POLR2F: variants seen among roughly 807,000 people sequenced by gnomAD.
POLR2F encodes RNA polymerase II, I and III subunit F.
POLR2F carries 12 observed loss-of-function variants against 22.7 expected under a neutral mutation model. That is an observed-to-expected ratio of 0.53 (90% CI 0.34 to 0.86). The LOEUF (loss-of-function observed/expected upper bound fraction) is 0.86, where lower values mean the gene tolerates loss of function less well. POLR2F is among the 40% of genes least tolerant of loss of function. POLR2F has a pLI of 0.02. For synonymous variants in POLR2F, 57 were observed against 66.0 expected, an observed-to-expected ratio of 0.86 and a Z score of 0.66; for missense variants, 126 against 171.5, an observed-to-expected ratio of 0.73 and a Z score of 1.48.
Position 37,997,664 on chromosome 22 carries a change from C to G in POLR2F, c.120+11352C>G, listed in dbSNP as rs1228455367. On this transcript the variant is annotated intron_variant, in intron 1 of 2. Coordinates refer to the POLR2F transcript ENST00000333418. This position sits in a 1 kb window ranked among gnomAD's most constrained non-coding sequence, Gnocchi z 4.4. ...CTCCAGCCTACCTTCCCCAGGACACCCGGCTCTGTCCCCTGCATGCCCTGG... is the reference window on the plus strand; with the variant it reads ...CTCCAGCCTACCTTCCCCAGGACACGCGGCTCTGTCCCCTGCATGCCCTGG... Among the ~76,000 whole-genome samples, 1 of 152,088 alleles carries G rather than the reference C, an allele frequency of 6.6e-6. No individual in the cohort carries two copies. The highest frequency in any genetic ancestry group is 6.5e-5 in the Admixed American group (1 of 15,272).
At chr22:38,034,891 G>T (rs3026672) in intron 5 of POLR2F, among the ~76,000 whole-genome samples, 94 of 152,178 alleles carry the variant, frequency 6.2e-4, no homozygotes, top group African/African-American at 2.2e-3. Flanking sequence ...ACCTGGGGCC[G>T]TGGCCTAGGA....
At chr22:37,970,293 C>CAAA (rs139881), downstream of POLR2F, among the ~76,000 whole-genome samples, 6 of 132,610 alleles carry the variant, frequency 4.5e-5, no homozygotes, top group African/African-American at 1.1e-4. Flanking sequence ...GACTCCGTCT[C>CAAA]AAAAAAAAAA....
intron 1 of POLR2F, among the ~76,000 whole-genome samples, chr22:38,020,240 TATATATATACAC>T (rs1347844777): frequency 6.8e-6 from 1 of 146,766 alleles, no homozygotes; most frequent in East Asian, 2.0e-4. Context: ...CACACATACA[TATATATATACAC>T]ATATATATAC....
upstream of POLR2F, chr22:37,985,977 C>T (rs1013318052): frequency 3.8e-6 from 4 of 1,040,168 alleles, no homozygotes; most frequent in Non-Finnish European, 4.0e-6. Context: ...CAATCTCCCC[C>T]CAGTTTTCCT....
In POLR2F at chr22:37,980,307, T is replaced by TCTGGGATGG. The variant is rs1932358016; in HGVS notation, c.293+13143_293+13151dup. ...AGCAGTGGACCCCAACAGAGGGGCT[T>TCTGGGATGG]CTGGGATGGCTGGGGACATGGGACA... On this transcript the variant is annotated intron_variant, in intron 4 of 4. Coordinates refer to the POLR2F transcript ENST00000405557. This position sits in a 1 kb window ranked among gnomAD's most constrained non-coding sequence, Gnocchi z 4.1. 6.6e-6 allele frequency among the ~76,000 whole-genome samples: 1 copy of TCTGGGATGG among 152,072 alleles called. No homozygotes were observed. The highest frequency in any genetic ancestry group is 1.5e-5 in the Non-Finnish European group (1 of 67,992).
chr22:37,994,780 A>G (rs1249935797), intron 1 of POLR2F, among the ~76,000 whole-genome samples: 1 of 152,176 alleles, frequency 6.6e-6, no homozygotes, highest in East Asian at 1.9e-4. Flanking sequence ...TGCTGGGATT[A>G]CAGGCGTGAG....
intron 2 of POLR2F, among the ~76,000 whole-genome samples, chr22:37,958,642 G>T (rs1931501027): frequency 6.6e-6 from 1 of 152,046 alleles, no homozygotes; most frequent in African/African-American, 2.4e-5. Context: ...TCATTGGTTT[G>T]ACAGCTCCTG....
chr22:37,970,604 TAAAAA>T (rs34693298), downstream of POLR2F: 11 of 57,894 alleles, frequency 1.9e-4, no homozygotes, highest in African/African-American at 4.8e-4. Context: ...AGACTCCATC[TAAAAA>T]AAAAAAAAAA....
chr22:37,989,143 G>A (rs1386605373), intron 1 of POLR2F, among the ~76,000 whole-genome samples: 1 of 152,164 alleles, frequency 6.6e-6, no homozygotes, highest in Non-Finnish European at 1.5e-5. Context: ...AAGAAATCCT[G>A]CCACTAGTAC....
At chr22:38,019,284 G>C (rs2084940414) in intron 1 of POLR2F, among the ~76,000 whole-genome samples, 1 of 152,024 alleles carries the variant, frequency 6.6e-6, no homozygotes, top group Non-Finnish European at 1.5e-5. Flanking sequence ...CGCTTCTTCA[G>C]CCCCCGGGCT....
chr22:37,989,094 A>G (rs2145786311), intron 1 of POLR2F, among the ~76,000 whole-genome samples: 1 of 152,270 alleles, frequency 6.6e-6, no homozygotes, highest in Middle Eastern at 3.4e-3. Flanking sequence ...AGGCTGTGTC[A>G]TCCTCAGTCT....
chr22:38,035,539 T>A (rs539907074), intron 5 of POLR2F, among the ~76,000 whole-genome samples: 4 of 152,178 alleles, frequency 2.6e-5, no homozygotes, highest in Non-Finnish European at 5.9e-5. Flanking sequence ...ATCCTGCTCG[T>A]GTCCTCGGGG....
exon 3 of POLR2F, chr22:38,026,548 C>T (rs1208994717): frequency 9.4e-5 from 32 of 341,668 alleles, no homozygotes; most frequent in South Asian, 2.0e-4. Flanking sequence ...CTTTCCCCAC[C>T]GCCTCTCTCT....
chr22:37,974,026 C>T, downstream of POLR2F: 1 of 1,613,996 alleles, frequency 6.2e-7, no homozygotes, highest in Middle Eastern at 1.7e-4. The surrounding 1 kb of genome is among the most constrained non-coding windows in gnomAD (Gnocchi z 5.4). Flanking sequence ...CATCAAAGGT[C>T]TCCATGTTGG....
downstream of POLR2F, chr22:38,041,576 A>G (rs2085172695): frequency 1.3e-5 from 2 of 156,848 alleles, no homozygotes; most frequent in African/African-American, 2.4e-5. Flanking sequence ...ACGTTAACTC[A>G]TTGAACCCTC....
downstream of POLR2F, chr22:37,971,352 A>T (rs561998024): frequency 2.1e-6 from 1 of 469,250 alleles, no homozygotes; most frequent in Non-Finnish European, 4.4e-6. Context: ...TGAATGACAT[A>T]AAACCCTTGG....
chr22:38,012,741 G>T (rs1321581202), intron 1 of POLR2F, among the ~76,000 whole-genome samples: 1 of 152,206 alleles, frequency 6.6e-6, no homozygotes, highest in Non-Finnish European at 1.5e-5. Flanking sequence ...AAGCGTACAA[G>T]TCAGGCATTT....
At chr22:37,956,170 A>G (rs1349041656) in intron 1 of POLR2F, among the ~76,000 whole-genome samples, 1 of 149,122 alleles carries the variant, frequency 6.7e-6, no homozygotes, top group Non-Finnish European at 1.5e-5. Flanking sequence ...GCTCACCACA[A>G]CCTCCGCCTC....
chr22:37,989,075 C>G (rs1932666560), intron 1 of POLR2F, among the ~76,000 whole-genome samples: 1 of 152,096 alleles, frequency 6.6e-6, no homozygotes, highest in Non-Finnish European at 1.5e-5. Context: ...CCACCTCCAC[C>G]TTTGGATAAG....
Sources: allele counts gnomAD v4.1 joint callset (sites outside exome capture counted in the v4.1 genomes callset), GRCh38; gene constraint gnomAD v4.1.1; non-coding constraint Gnocchi (gnomAD v3.1); transcripts MANE v1.5; gene names NCBI Gene and HGNC (gene_info 2026-07-23, HGNC 2026-07-21).